The following KCNH1 variants were observed in gnomAD, a reference collection of about 807,000 sequenced individuals.
KCNH1 encodes potassium voltage-gated channel subfamily H member 1.
Under a neutral mutation model 69.2 loss-of-function variants are expected in KCNH1, and 27 were observed. That is an observed-to-expected ratio of 0.39 (90% CI 0.29 to 0.54). The LOEUF is 0.54. Among genes scored for constraint, KCNH1 ranks in the 20% least tolerant of loss-of-function variants. KCNH1 has a pLI of 0.68. For synonymous variants in KCNH1, 456 were observed against 487.7 expected, an observed-to-expected ratio of 0.93 and a Z score of 0.86; for missense variants, 798 against 1,261.6, an observed-to-expected ratio of 0.63 and a Z score of 5.57.
intron 7 of KCNH1, among the ~76,000 whole-genome samples, chr1:210,820,784 T>C (rs1429591049): frequency 3.3e-5 from 5 of 152,100 alleles, no homozygotes; most frequent in Admixed American, 3.3e-4. Flanking sequence ...AAGTAGGAGA[T>C]ATGATGACTG....
At chr1:211,018,714 C>A in intron 6 of KCNH1, 69 bp downstream of exon 6, 3 of 1,221,406 alleles carry the variant, frequency 2.5e-6, no homozygotes, top group Non-Finnish European at 3.5e-6. Context: ...AATTATTCTT[C>A]TGTTGACCAC....
At chr1:211,009,380 AG>A (rs2102406640) in intron 6 of KCNH1, among the ~76,000 whole-genome samples, 1 of 152,322 alleles carries the variant, frequency 6.6e-6, no homozygotes, top group South Asian at 2.1e-4. Flanking sequence ...TTTCAGTTAA[AG>A]AAGCAGGAAA....
At chr1:210,907,663 G>A (rs997833745) in intron 7 of KCNH1, among the ~76,000 whole-genome samples, 7 of 152,218 alleles carry the variant, frequency 4.6e-5, no homozygotes, top group Non-Finnish European at 8.8e-5. Flanking sequence ...AAACTACAGA[G>A]CTTCTGCATG....
In KCNH1 at chr1:211,107,377, T is replaced by C; in HGVS notation, c.80A>G (p.Asp27Gly). Residue 27 changes from aspartate (D) to glycine (G), a missense_variant and splice_region_variant, in exon 2 of 11, where the codon GAT becomes GGT. Coordinates refer to ENST00000271751, the MANE Select transcript of KCNH1 (RefSeq NM_172362.3). Reference protein sequence around the residue: ...FLENIVRRSNDTNFVLGNAQI... With the variant: ...FLENIVRRSNGTNFVLGNAQI... ...AGCATTCCCCAACACAAAATTAGTATCTGTTAAAAAAAAAAAAAAGGGAAA... is the reference window on the plus strand; with the variant it reads ...AGCATTCCCCAACACAAAATTAGTACCTGTTAAAAAAAAAAAAAAGGGAAA... The C allele has an allele frequency of 6.5e-7, 1 of 1,530,118 alleles. No individual in the cohort carries two copies. 94.8% of individuals were successfully genotyped at this position (1,530,118 alleles called of 1,614,324 possible).
chr1:210,738,830 T>A (rs752610324), intron 10 of KCNH1, among the ~76,000 whole-genome samples: 4 of 152,152 alleles, frequency 2.6e-5, no homozygotes, highest in African/African-American at 4.8e-5. Context: ...CTTCCCAAAG[T>A]GCTGGGATTA....
At chr1:210,722,650 T>G (rs1558440710) in intron 10 of KCNH1, among the ~76,000 whole-genome samples, 1 of 152,214 alleles carries the variant, frequency 6.6e-6, no homozygotes, top group Non-Finnish European at 1.5e-5. Flanking sequence ...TTTTCTCTCC[T>G]AGCCACCTAG....
chr1:211,088,820 T>C (rs559706051), intron 4 of KCNH1, among the ~76,000 whole-genome samples: 2 of 152,282 alleles, frequency 1.3e-5, no homozygotes, highest in Admixed American at 6.5e-5. Flanking sequence ...TATCTCCTCA[T>C]GAGTGTCTGT....
intron 6 of KCNH1, among the ~76,000 whole-genome samples, chr1:210,930,482 TGTA>T (rs1687661056): frequency 6.6e-6 from 1 of 152,112 alleles, no homozygotes; most frequent in South Asian, 2.1e-4. Flanking sequence ...GCAAGCCACA[TGTA>T]GAAGAATAAA....
intron 6 of KCNH1, among the ~76,000 whole-genome samples, chr1:210,974,303 C>T (rs1688561882): frequency 6.6e-6 from 1 of 151,918 alleles, no homozygotes. Flanking sequence ...TTTCTTTTAT[C>T]ATATTAATAC....
At chr1:210,828,014 T>C (rs1436763573) in intron 7 of KCNH1, among the ~76,000 whole-genome samples, 2 of 152,120 alleles carry the variant, frequency 1.3e-5, no homozygotes. Flanking sequence ...GGCTAATTTT[T>C]GTATTTTTAT....
intron 5 of KCNH1, among the ~76,000 whole-genome samples, chr1:211,050,761 C>T (rs75935167): frequency 0.026 from 4,025 of 152,114 alleles, 96 homozygotes; most frequent in African/African-American, 0.055. Context: ...GAATAGTTTT[C>T]CATTATCCAT....
intron 7 of KCNH1, among the ~76,000 whole-genome samples, chr1:210,818,380 C>A (rs1000966690): frequency 4.0e-4 from 61 of 152,026 alleles, no homozygotes; most frequent in African/African-American, 1.4e-3. Context: ...TTGCCATTAC[C>A]CACATCATGA....
intron 10 of KCNH1, among the ~76,000 whole-genome samples, chr1:210,705,687 T>C (rs1196448956): frequency 1.3e-5 from 2 of 152,210 alleles, no homozygotes; most frequent in African/African-American, 2.4e-5. Flanking sequence ...CTCTGAGGTC[T>C]CCTGATCTCT....
At chr1:211,020,930 G>C (rs1017771899) in intron 5 of KCNH1, among the ~76,000 whole-genome samples, 1 of 119,338 alleles carries the variant, frequency 8.4e-6, no homozygotes, top group Admixed American at 8.6e-5. Flanking sequence ...GATAAAATTC[G>C]ATATCCTTTC....
Position 211,041,829 on chromosome 1 carries a change from A to G in KCNH1, c.559-22573T>C, listed in dbSNP as rs1690001422. 1.3e-5 allele frequency among the ~76,000 whole-genome samples: 2 copies of G among 152,046 alleles called. 1 individual carries two copies. On this transcript the variant is annotated intron_variant, in intron 5 of 10. Coordinates refer to ENST00000271751, the MANE Select transcript of KCNH1 (RefSeq NM_172362.3). ...GAGTGCAGTGGCATGATCCTGGCTC[A>G]CTGCAACCTCTGCCTCCCGGGTTCA...
intron 6 of KCNH1, among the ~76,000 whole-genome samples, chr1:210,985,104 G>T (rs188158328): frequency 1.3e-5 from 2 of 152,110 alleles, no homozygotes; most frequent in Admixed American, 1.3e-4. Flanking sequence ...ATGGTAGTTC[G>T]TATTTCTGTG....
At chr1:210,871,959 G>A (rs1040112262) in intron 7 of KCNH1, among the ~76,000 whole-genome samples, 29 of 150,390 alleles carry the variant, frequency 1.9e-4, no homozygotes, top group African/African-American at 6.4e-4. Context: ...GCTAGAGGAC[G>A]AGTTAGTGGG....
Position 210,950,060 on chromosome 1 carries a change from A to G in KCNH1, c.1033-29991T>C, listed in dbSNP as rs139974129. ...AGAGAACAAGAACAAAAACAGATGT[A>G]TAAATAAGTCAGTTTCTCTCCCACC... On this transcript the variant is annotated intron_variant, in intron 6 of 10. Transcript: ENST00000271751. Among the ~76,000 whole-genome samples, 59 of 152,354 alleles carry G rather than the reference A, an allele frequency of 3.9e-4. 1 individual carries two copies. The East Asian group carries it at 0.011, about 27-fold the overall frequency.
At chr1:210,976,627 C>T (rs1335228564) in intron 6 of KCNH1, among the ~76,000 whole-genome samples, 6 of 147,088 alleles carry the variant, frequency 4.1e-5, no homozygotes, top group Admixed American at 2.8e-4. Flanking sequence ...GATTATAAAT[C>T]ATGCTGCTAT....
Sources: allele counts gnomAD v4.1 joint callset (sites outside exome capture counted in the v4.1 genomes callset), GRCh38; gene constraint gnomAD v4.1.1; transcripts MANE v1.5; gene names NCBI Gene and HGNC (gene_info 2026-07-23, HGNC 2026-07-21).